The following ZC3H12B variants were observed in gnomAD, a reference collection of about 807,000 sequenced individuals.
ZC3H12B encodes zinc finger CCCH-type containing 12B.
A neutral mutation model predicts 43.9 loss-of-function variants in ZC3H12B; 7 were observed. The ratio of observed to expected loss-of-function variants is 0.16; its 90% confidence interval spans 0.09 to 0.30. The LOEUF (loss-of-function observed/expected upper bound fraction) is 0.30. ZC3H12B is among the 10% of genes least tolerant of loss of function. The pLI is 1.00. For synonymous variants in ZC3H12B, 222 were observed against 241.7 expected, an observed-to-expected ratio of 0.92 and a Z score of 0.76; for missense variants, 475 against 670.2, an observed-to-expected ratio of 0.71 and a Z score of 3.22.
chrX:65,286,587 CTGGATGTGTG>C, the ZC3H12B span, among the ~76,000 whole-genome samples: 1 of 110,591 alleles, frequency 9.0e-6, no homozygotes, highest in Non-Finnish European at 1.9e-5. Flanking sequence ...TATAGAATAT[CTGGATGTGTG>C]TGTATATACA....
chrX:65,374,058 T>C (rs1440705329), intron 2 of ZC3H12B, among the ~76,000 whole-genome samples: 1 of 62,717 alleles, frequency 1.6e-5, no homozygotes, highest in African/African-American at 7.1e-5. Context: ...TATATAACTA[T>C]ATATATACAG....
chrX:65,162,032 G>C, the ZC3H12B span, among the ~76,000 whole-genome samples: 2 of 111,157 alleles, frequency 1.8e-5, no homozygotes, highest in East Asian at 5.7e-4. Flanking sequence ...ATGAAGCTTA[G>C]TTTGGCTGGA....
the ZC3H12B span, chrX:65,272,286 C>T: frequency 1.3e-5 from 1 of 75,286 alleles, no homozygotes; most frequent in African/African-American, 2.0e-4. Context: ...AAAAAAAAAA[C>T]TGGAGATAAC....
chrX:65,373,538 A>G (rs1215763944), intron 2 of ZC3H12B, among the ~76,000 whole-genome samples: 1 of 110,346 alleles, frequency 9.1e-6, no homozygotes, highest in Non-Finnish European at 1.9e-5. Flanking sequence ...TGGCACATAT[A>G]CACCATGGAA....
At chrX:65,274,458 A>T in the ZC3H12B span, among the ~76,000 whole-genome samples, 1 of 110,357 alleles carries the variant, frequency 9.1e-6, no homozygotes, top group Non-Finnish European at 1.9e-5. Context: ...TGAATGTCAC[A>T]ACCCCAGCTG....
chrX:65,499,260 T>TC lies in ZC3H12B; in HGVS notation c.983+29dup, dbSNP rs770208941. ...TGCGTTTCTTTCCAGTAGGCCTATA[T>TC]CCAAGTTATCAGTAAGAATAGATTA... On this transcript the variant is annotated intron_variant, in intron 3 of 4. Coordinates refer to ENST00000338957, the Ensembl canonical transcript of ZC3H12B. 21 of 1,028,591 alleles carry TC rather than the reference T, an allele frequency of 2.0e-5. No homozygotes were observed. In the East Asian group the frequency reaches 5.2e-4, roughly 26 times the overall value. 84.8% of individuals were successfully genotyped at this position (1,028,591 alleles called of 1,213,427 possible). A position where few individuals can be genotyped will look rare whatever the true frequency, so the allele number is the denominator to read the frequency against.
the ZC3H12B span, among the ~76,000 whole-genome samples, chrX:65,340,760 A>G: frequency 8.9e-6 from 1 of 112,571 alleles, no homozygotes; most frequent in African/African-American, 3.2e-5. Flanking sequence ...GATGAGAAAG[A>G]ACCAGTGCAA....
intron 2 of ZC3H12B, among the ~76,000 whole-genome samples, chrX:65,389,706 A>G (rs1289592896): frequency 8.9e-6 from 1 of 111,944 alleles, no homozygotes; most frequent in African/African-American, 3.3e-5. Flanking sequence ...TGCAGAAATC[A>G]CCCGTCTTCT....
At chrX:65,130,521 G>C in the ZC3H12B span, among the ~76,000 whole-genome samples, 20 of 103,896 alleles carry the variant, frequency 1.9e-4, no homozygotes, top group African/African-American at 6.0e-4. Context: ...TTGATGTGTA[G>C]GGAAGGGAGG....
intron 3 of ZC3H12B, among the ~76,000 whole-genome samples, chrX:65,474,407 T>A (rs2067966017): frequency 1.8e-5 from 2 of 111,284 alleles, no homozygotes; most frequent in African/African-American, 3.3e-5. Flanking sequence ...CCTGTTTTTT[T>A]AAAATCTATT....
the ZC3H12B span, among the ~76,000 whole-genome samples, chrX:65,329,952 A>C: frequency 1.7e-3 from 189 of 111,500 alleles, no homozygotes; most frequent in African/African-American, 5.8e-3. Context: ...GTTACTGTAG[A>C]CTTGTAGTAT....
At chrX:65,212,513 A>C in the ZC3H12B span, among the ~76,000 whole-genome samples, 5 of 72,211 alleles carry the variant, frequency 6.9e-5, no homozygotes, top group Non-Finnish European at 1.2e-4. Context: ...ATTATATACA[A>C]TATTTTTATT....
intron 3 of ZC3H12B, among the ~76,000 whole-genome samples, chrX:65,475,759 GA>G (rs1171095230): frequency 8.9e-6 from 1 of 112,087 alleles, no homozygotes; most frequent in African/African-American, 3.2e-5. Flanking sequence ...CGGCAGGCAA[GA>G]GGGTATGTGC....
the ZC3H12B span, among the ~76,000 whole-genome samples, chrX:65,213,404 C>T: frequency 1.6e-4 from 18 of 111,250 alleles, no homozygotes; most frequent in East Asian, 3.1e-3. Flanking sequence ...TTTCTCATAA[C>T]GGGATCACTT....
chrX:65,062,742 C>T, the ZC3H12B span, among the ~76,000 whole-genome samples: 1 of 111,995 alleles, frequency 8.9e-6, no homozygotes, highest in East Asian at 2.8e-4. Context: ...CTATAAATTA[C>T]TTTGGACTGT....
the ZC3H12B span, among the ~76,000 whole-genome samples, chrX:65,219,809 T>TACACAC: frequency 0.025 from 1,920 of 76,639 alleles, 35 homozygotes; most frequent in African/African-American, 0.059. Context: ...TACACACACA[T>TACACAC]ACACACACAC....
chrX:65,417,371 CAT>C (rs1329186700), intron 3 of ZC3H12B, among the ~76,000 whole-genome samples: 1 of 112,392 alleles, frequency 8.9e-6, no homozygotes, highest in Non-Finnish European at 1.9e-5. Flanking sequence ...CTAAATCAAA[CAT>C]GTTTATTTAT....
the ZC3H12B span, among the ~76,000 whole-genome samples, chrX:65,069,219 G>A: frequency 9.5e-6 from 1 of 105,576 alleles, no homozygotes. Context: ...ACTTTCTTCT[G>A]CTGTCTTTTT....
chrX:65,451,819 C>T (rs973692492), intron 3 of ZC3H12B, among the ~76,000 whole-genome samples: 2 of 111,908 alleles, frequency 1.8e-5, no homozygotes, highest in African/African-American at 6.5e-5. Flanking sequence ...ATTAGTGAAT[C>T]TTGCCAGTTT....
Sources: allele counts gnomAD v4.1 joint callset (sites outside exome capture counted in the v4.1 genomes callset), GRCh38; gene constraint gnomAD v4.1.1; transcripts MANE v1.5; gene names NCBI Gene and HGNC (gene_info 2026-07-23, HGNC 2026-07-21).